Variants in SLC2A2 observed in about 807,000 individuals in gnomAD.
The protein encoded by SLC2A2 is solute carrier family 2 member 2.
A neutral mutation model predicts 54.5 loss-of-function variants in SLC2A2; 36 were observed. That is an observed-to-expected ratio of 0.66 (90% CI 0.51 to 0.87). The LOEUF (loss-of-function observed/expected upper bound fraction) is 0.87, where lower values mean the gene tolerates loss of function less well. SLC2A2 is among the 40% of genes least tolerant of loss of function. The probability of loss-of-function intolerance (pLI) is 0.00; values close to 1 mark genes in which losing one functional copy is unlikely to be tolerated. For missense variants in SLC2A2, 543 were observed against 624.3 expected, an observed-to-expected ratio of 0.87 and a Z score of 1.39; for synonymous variants, 223 against 219.1, an observed-to-expected ratio of 1.02 and a Z score of -0.16.
chr3:171,016,851 TC>T (rs748343701), intron 2 of SLC2A2, among the ~76,000 whole-genome samples: 47 of 122,814 alleles, frequency 3.8e-4, no homozygotes, highest in African/African-American at 1.7e-3. Flanking sequence ...TTTAATTTTT[TC>T]TTTTTTTTTT....
At chr3:171,025,100 G>A (rs552778905) in intron 1 of SLC2A2, among the ~76,000 whole-genome samples, 1 of 151,976 alleles carries the variant, frequency 6.6e-6, no homozygotes, top group East Asian at 1.9e-4. Flanking sequence ...CATCTATGTA[G>A]TTGTTAACTT....
chr3:171,024,562 A>G (rs560218529), intron 1 of SLC2A2, among the ~76,000 whole-genome samples: 2 of 152,334 alleles, frequency 1.3e-5, no homozygotes, highest in African/African-American at 4.8e-5. Flanking sequence ...TCCAAAACCT[A>G]AACCAAAGGT....
chr3:171,006,280 G>A (rs1334400102), intron 5 of SLC2A2, among the ~76,000 whole-genome samples, 175 bp from the exon 6 acceptor site: 1 of 147,654 alleles, frequency 6.8e-6, no homozygotes, highest in African/African-American at 2.6e-5. Context: ...GGAACTATTT[G>A]TTATATAAGG....
rs981254810 is a variant in SLC2A2, at chr3:170,996,442, T to A, written c.*1461A>T. ...CAAATGTTCAGTGGTTTTTAATTAT[T>A]TCACTCTTAAAGAGTACTTTTTAAA... is the stretch of plus-strand genomic sequence containing the variant. On this transcript the variant is annotated 3_prime_UTR_variant, in exon 11 of 11. Coordinates refer to ENST00000314251, the MANE Select transcript of SLC2A2 (RefSeq NM_000340.2). The A allele has an allele frequency of 2.5e-6, 1 of 393,472 alleles. No homozygotes were observed. The highest frequency in any genetic ancestry group is 2.1e-5 in the African/African-American group (1 of 48,476). 24.4% of individuals were successfully genotyped at this position (393,472 alleles called of 1,614,324 possible).
intron 7 of SLC2A2, among the ~76,000 whole-genome samples, chr3:171,004,585 AGTG>A (rs999302402): frequency 1.4e-5 from 2 of 141,556 alleles, no homozygotes; most frequent in African/African-American, 6.0e-5. Flanking sequence ...AAAGGGGAGA[AGTG>A]GTGTTTTTTT....
chr3:170,998,139 G>GT (rs1193454852), intron 10 of SLC2A2, 36 bp from the exon 11 acceptor site: 1 of 1,613,250 alleles, frequency 6.2e-7, no homozygotes. Flanking sequence ...TGAGTTAGCA[G>GT]TTTTTTGACC....
Position 171,007,375 on chromosome 3 carries a change from T to C in SLC2A2, c.497-112A>G, listed in dbSNP as rs1022719266. 5.6e-6 allele frequency: 4 copies of C among 714,674 alleles called. No individual in the cohort carries two copies. In the South Asian group the frequency reaches 6.0e-5, roughly 11 times the overall value. The allele number at this position is 714,674 out of a possible 1,614,324, so 44.3% of individuals were successfully genotyped here. A position where few individuals can be genotyped will look rare whatever the true frequency, so the allele number is the denominator to read the frequency against. Reference sequence around the variant, plus strand: ...AATGAAAGCCCCTCCCTGAATTCACTGGAAGGATGAACCCTTGTTCCTAGG... The same window carrying C: ...AATGAAAGCCCCTCCCTGAATTCACCGGAAGGATGAACCCTTGTTCCTAGG... On this transcript the variant is annotated intron_variant, in intron 4 of 10. Coordinates refer to ENST00000314251, the MANE Select transcript of SLC2A2 (RefSeq NM_000340.2).
chr3:171,013,722 GGT>G (rs1435453272), intron 3 of SLC2A2, among the ~76,000 whole-genome samples: 2 of 152,100 alleles, frequency 1.3e-5, no homozygotes, highest in African/African-American at 2.4e-5. Flanking sequence ...ATGCACAAAA[GGT>G]GGGCTCAAAT....
chr3:171,016,374 T>C (rs922339583), intron 2 of SLC2A2, among the ~76,000 whole-genome samples: 5 of 152,140 alleles, frequency 3.3e-5, no homozygotes, highest in Non-Finnish European at 5.9e-5. Context: ...AGGCAGAGGT[T>C]GAAGTGAAAA....
At chr3:171,009,830 C>G in intron 4 of SLC2A2, 128 bp downstream of exon 4, 1 of 1,316,422 alleles carries the variant, frequency 7.6e-7, no homozygotes. Flanking sequence ...TATTGCCTTT[C>G]CCTCTGTGAT....
At chr3:171,019,085 ATGTGTGTGTGTG>A (rs1229962724) in intron 1 of SLC2A2, among the ~76,000 whole-genome samples, 4 of 79,438 alleles carry the variant, frequency 5.0e-5, no homozygotes, top group South Asian at 4.3e-4. Context: ...GTATATATAT[ATGTGTGTGTGTG>A]TATATATATA....
rs1716036743 is a variant in SLC2A2 at position 171,014,528 on chromosome 3, A to C, written c.312T>G (p.Phe104Leu). 6.2e-7 allele frequency: 1 copy of C among 1,614,174 alleles called. No homozygotes were observed. Residue 104 changes from phenylalanine to leucine, a missense_variant, in exon 3 of 11, where the codon TTT becomes TTG. Phe to Leu is a conservative substitution (Grantham distance 22). Coordinates refer to ENST00000314251, the MANE Select transcript of SLC2A2 (RefSeq NM_000340.2). The stretch of plus-strand genomic sequence containing the variant: ...ATGATGCAGTCATTCCACCAACTGC[A>C]AAGCTGGATACAGACAGGGACCAGA... ...TMLWSLSVSS[F>L]AVGGMTASFF...
At chr3:171,003,324 A>G (rs370051009) in intron 7 of SLC2A2, among the ~76,000 whole-genome samples, 1 of 151,172 alleles carries the variant, frequency 6.6e-6, no homozygotes, top group East Asian at 2.0e-4. Flanking sequence ...CTACTATTCT[A>G]TTGATGAGTA....
intron 3 of SLC2A2, among the ~76,000 whole-genome samples, chr3:171,012,036 G>T (rs990408308): frequency 3.3e-5 from 5 of 152,096 alleles, no homozygotes; most frequent in African/African-American, 1.2e-4. Flanking sequence ...TTCTATGTAA[G>T]CATATTTCTT....
chr3:171,014,408 A>G, intron 3 of SLC2A2, 61 bp downstream of exon 3: 1 of 1,543,242 alleles, frequency 6.5e-7, no homozygotes, highest in Non-Finnish European at 9.0e-7. Context: ...TTTCTAAACA[A>G]GTGTTAGGAA....
chr3:171,007,417 G>A lies in SLC2A2; in HGVS notation c.497-154C>T, dbSNP rs1032368934. On this transcript the variant is annotated intron_variant, in intron 4 of 10. Transcript: ENST00000314251. Reference sequence around the variant, plus strand: ...GTTCCTAGGTATAGACATAGTTTGTGCAGGAGATATTTGATATGACCTCAT... The same window carrying A: ...GTTCCTAGGTATAGACATAGTTTGTACAGGAGATATTTGATATGACCTCAT... 12 of 656,644 alleles carry A rather than the reference G, an allele frequency of 1.8e-5. 1 individual carries two copies. The highest frequency in any genetic ancestry group is 5.6e-6 in the Non-Finnish European group (2 of 359,820). The allele number at this position is 656,644 out of a possible 1,614,324, so 40.7% of individuals were successfully genotyped here. A position where few individuals can be genotyped will look rare whatever the true frequency, so the allele number is the denominator to read the frequency against.
At position 170,998,250 on chromosome 3, in the gene SLC2A2, AGCT is replaced by A. The variant is rs1715186477; in HGVS notation, c.1314_1316del (p.Ala440del). 1 of 1,613,742 alleles carries A rather than the reference AGCT, an allele frequency of 6.2e-7. No individual in the cohort carries two copies. Among genetic ancestry groups the A allele is most frequent in the Non-Finnish European group, 8.5e-7 (1 of 1,179,836 alleles). ...AATTGCAGGTCCAATTGCTGAATGC[AGCT>A]ATTGCTAAAGCAGCAGGACGTGGTC... On this transcript the variant is annotated inframe_deletion, in exon 10 of 11. Transcript: ENST00000314251.
chr3:170,998,047 G>C lies in SLC2A2; in HGVS notation c.1431C>G (p.Thr477=). Reference sequence around the variant, plus strand: ...CTGGAACTTTAAAAAATGTGAACAGGGTAAAGGCCAGGAGCACTCCAGCAA... The same window carrying C: ...CTGGAACTTTAAAAAATGTGAACAGCGTAAAGGCCAGGAGCACTCCAGCAA... ...FLFAGVLLAF[T]LFTFFKVPET... is the part of the protein sequence containing the mutation. The change falls in exon 11 of 11, where the codon ACC becomes ACG. Residue 477 remains threonine (T), a synonymous_variant. Transcript: ENST00000314251. The C allele has an allele frequency of 6.2e-7, 1 of 1,613,544 alleles. No individual in the cohort carries two copies. The highest frequency in any genetic ancestry group is 8.5e-7 in the Non-Finnish European group (1 of 1,179,776).
chr3:171,022,433 CA>C (rs1716507152), intron 1 of SLC2A2, among the ~76,000 whole-genome samples: 1 of 152,210 alleles, frequency 6.6e-6, no homozygotes, highest in South Asian at 2.1e-4. Flanking sequence ...ACCTACCACA[CA>C]AATCCCTTTT....
Sources: gnomAD v4.1 joint callset for allele counts (sites outside exome capture counted in the v4.1 genomes callset) on GRCh38, gnomAD v4.1.1 for gene constraint, MANE v1.5 for transcripts, NCBI Gene and HGNC (gene_info 2026-07-23, HGNC 2026-07-21) for gene names.